Variants in FBXL13 observed in about 807,000 individuals in gnomAD.
FBXL13 encodes the protein F-box and leucine-rich repeat protein 13.
FBXL13 carries 67 observed loss-of-function variants against 83.6 expected under a neutral mutation model. The ratio of observed to expected loss-of-function variants is 0.80; its 90% CI spans 0.66 to 0.98. FBXL13 has a LOEUF of 0.98. Ranked by LOEUF, FBXL13 falls within the 50% of genes least tolerant of loss-of-function variation. The pLI is 0.00. For missense variants in FBXL13, 822 were observed against 866.5 expected (o/e 0.95, Z 0.64); for synonymous variants, 272 against 299.5 (o/e 0.91, Z 0.95).
intron 6 of FBXL13, among the ~76,000 whole-genome samples, chr7:102,984,160 C>G (rs539668575): frequency 6.6e-6 from 1 of 151,818 alleles, no homozygotes; most frequent in African/African-American, 2.4e-5. Flanking sequence ...CTCTTTTTAG[C>G]ACTGAAAAAA....
intron 6 of FBXL13, among the ~76,000 whole-genome samples, chr7:103,020,759 A>G (rs1267782604): frequency 6.6e-6 from 1 of 152,228 alleles, no homozygotes; most frequent in African/African-American, 2.4e-5. Flanking sequence ...TAAAATACCT[A>G]GGAATCCAAC....
intron 1 of FBXL13, among the ~76,000 whole-genome samples, chr7:103,059,859 T>G (rs1797680740): frequency 6.6e-6 from 1 of 151,688 alleles, no homozygotes; most frequent in African/African-American, 2.4e-5. Flanking sequence ...TCTGCAATCT[T>G]CTACCATGCA....
At chr7:103,041,672 G>A (rs1795716852) in intron 2 of FBXL13, among the ~76,000 whole-genome samples, 2 of 152,134 alleles carry the variant, frequency 1.3e-5, no homozygotes, top group African/African-American at 4.8e-5. Context: ...TTCAACATAT[G>A]CAAATCAATA....
chr7:102,909,194 G>A (rs147508977), intron 11 of FBXL13, among the ~76,000 whole-genome samples: 4 of 152,298 alleles, frequency 2.6e-5, no homozygotes, highest in Non-Finnish European at 5.9e-5. Flanking sequence ...CAGGCCATGA[G>A]TAGTATTGCC....
At chr7:102,954,367 TG>T (rs1330193788) in intron 8 of FBXL13, among the ~76,000 whole-genome samples, 1 of 152,188 alleles carries the variant, frequency 6.6e-6, no homozygotes, top group Non-Finnish European at 1.5e-5. Flanking sequence ...CCACCAGGCC[TG>T]CCTTACAAGA....
At chr7:102,877,009 A>G (rs968954478) in intron 16 of FBXL13, among the ~76,000 whole-genome samples, 1 of 152,232 alleles carries the variant, frequency 6.6e-6, no homozygotes, top group Non-Finnish European at 1.5e-5. Flanking sequence ...GAATACAATC[A>G]GCAGCTTGCA....
chr7:103,026,172 T>C (rs1396394605), intron 5 of FBXL13, among the ~76,000 whole-genome samples: 1 of 151,946 alleles, frequency 6.6e-6, no homozygotes. Context: ...GAGTTTCGCT[T>C]TTGTCGCCCA....
intron 6 of FBXL13, among the ~76,000 whole-genome samples, chr7:102,972,464 AC>A (rs1356708443): frequency 1.3e-4 from 20 of 152,188 alleles, no homozygotes; most frequent in Non-Finnish European, 1.3e-4. Context: ...TTTAAGAGTA[AC>A]CAGTAAAATC....
At position 102,868,179 on chromosome 7, in the gene FBXL13, A is replaced by T. The variant is rs182188816; in HGVS notation, c.1635+9288T>A. Among the ~76,000 whole-genome samples the T allele has an allele frequency of 5.3e-5, 8 of 152,242 alleles. No individual in the cohort carries two copies. The East Asian group carries it at 1.5e-3, about 29-fold the overall frequency. ...GAGCACATTTAGAATCCTTTCTTCT[A>T]GCTACTTTGAAATATACAATAATAC... On this transcript the variant is annotated intron_variant, in intron 16 of 19. Coordinates refer to ENST00000313221, the Ensembl canonical transcript of FBXL13.
rs1355745232 is a variant in FBXL13, at chr7:102,934,425, T to C, written c.725-2492A>G. The C allele has an allele frequency of 5.6e-6, 9 of 1,614,070 alleles. No individual in the cohort carries two copies. The highest frequency in any genetic ancestry group is 4.0e-5 in the African/African-American group (3 of 74,916). On this transcript the variant is annotated intron_variant, in intron 8 of 19. Transcript: ENST00000313221. ...AACCCCTGGCACTGTACTTGTGAGA[T>C]AGAAACGCTTATTTCAATGTTGCAG...
At chr7:102,860,075 T>C (rs1020832699) in intron 16 of FBXL13, among the ~76,000 whole-genome samples, 1 of 152,154 alleles carries the variant, frequency 6.6e-6, no homozygotes, top group African/African-American at 2.4e-5. Context: ...TATCAGGACA[T>C]AAGGCTCAAA....
chr7:103,050,446 A>G (rs1201864924), intron 2 of FBXL13, among the ~76,000 whole-genome samples: 2 of 152,214 alleles, frequency 1.3e-5, no homozygotes, highest in African/African-American at 2.4e-5. Flanking sequence ...CACATATGAT[A>G]AAACATAGAC....
intron 17 of FBXL13, among the ~76,000 whole-genome samples, chr7:102,839,087 C>G (rs964545220): frequency 1.3e-5 from 2 of 152,228 alleles, no homozygotes; most frequent in African/African-American, 2.4e-5. Flanking sequence ...GAAAAACCGC[C>G]CTATGGCGGG....
At chr7:102,944,874 T>C (rs1158257807) in intron 8 of FBXL13, 3 of 341,656 alleles carry the variant, frequency 8.8e-6, no homozygotes, top group East Asian at 9.8e-5. Context: ...ATGATGGCAT[T>C]AGACTTTCAT....
At chr7:102,936,550 T>C (rs527253698) in intron 8 of FBXL13, among the ~76,000 whole-genome samples, 4 of 152,232 alleles carry the variant, frequency 2.6e-5, no homozygotes, top group African/African-American at 7.2e-5. Context: ...TAGTGCTTCA[T>C]GCTGAAGAGC....
rs1491519097 is a variant in FBXL13 at position 102,834,473 on chromosome 7, A to ATATATATATATG, written c.1720-1500_1720-1499insCATATATATATA. ...TATGTGATTATATATATATATATAT[A>ATATATATATATG]TGTGATGTGGCTCTTAGCACAAAAT... is the stretch of plus-strand genomic sequence containing the variant. On this transcript the variant is annotated intron_variant, in intron 17 of 19. Coordinates refer to ENST00000313221, the Ensembl canonical transcript of FBXL13. 135 of 141,542 alleles carry ATATATATATATG rather than the reference A, an allele frequency of 9.5e-4. 3 individuals are homozygous for ATATATATATATG. Among genetic ancestry groups the ATATATATATATG allele is most frequent in the Admixed American group, 9.2e-3 (130 of 14,092 alleles). The allele number at this position is 141,542 out of a possible 1,614,324, so 8.8% of individuals were successfully genotyped here.
chr7:102,867,693 A>ATT (rs1396279645), intron 16 of FBXL13, among the ~76,000 whole-genome samples: 80 of 66,484 alleles, frequency 1.2e-3, no homozygotes, highest in African/African-American at 3.7e-3. Flanking sequence ...ATATATATAT[A>ATT]TATTTTTTTT....
chr7:102,900,999 G>A (rs377124980), intron 11 of FBXL13, among the ~76,000 whole-genome samples: 12 of 152,338 alleles, frequency 7.9e-5, no homozygotes, highest in East Asian at 3.9e-4. Flanking sequence ...CAGGCAATGC[G>A]ATTAAGTGGT....
intron 8 of FBXL13, among the ~76,000 whole-genome samples, chr7:102,936,520 A>G (rs1353503122): frequency 2.6e-5 from 4 of 152,158 alleles, no homozygotes; most frequent in Non-Finnish European, 5.9e-5. Context: ...AATTTCCCGG[A>G]TATTGTTATG....
Sources: allele counts gnomAD v4.1 joint callset (sites outside exome capture counted in the v4.1 genomes callset), GRCh38; gene constraint gnomAD v4.1.1; transcripts MANE v1.5; gene names NCBI Gene and HGNC (gene_info 2026-07-23, HGNC 2026-07-21).